IGSF9B: variants seen among roughly 807,000 people sequenced by gnomAD.
IGSF9B encodes the protein immunoglobulin superfamily member 9B.
IGSF9B carries 48 observed loss-of-function variants against 143.7 expected under a neutral mutation model. The observed-to-expected ratio is 0.33, with a 90% CI of 0.26 to 0.42. The LOEUF is 0.42. Among genes scored for constraint, IGSF9B ranks in the 20% least tolerant of loss-of-function variants. The pLI is 1.00. For synonymous variants in IGSF9B, 903 were observed against 833.1 expected, an observed-to-expected ratio of 1.08 and a Z score of -1.44; for missense variants, 1,706 against 1,980.0, an observed-to-expected ratio of 0.86 and a Z score of 2.63.
rs1162537878 is a variant in IGSF9B at position 133,937,467 on chromosome 11, T to C, written c.588A>G (p.Thr196=). ...YQVSDGSLTV[T]SVSREDRGAY... is the part of the protein sequence containing the mutation. Reference sequence around the variant, plus strand: ...CACCTCTGTCCTCCCGACTGACCGATGTCACTGTCAGGCTGCCGTCACTCA... The same window carrying C: ...CACCTCTGTCCTCCCGACTGACCGACGTCACTGTCAGGCTGCCGTCACTCA... The change falls in exon 5 of 20, where the codon ACA becomes ACG. Residue 196 remains threonine, a synonymous_variant. Transcript: ENST00000533871. The C allele has an allele frequency of 3.7e-6, 6 of 1,613,776 alleles. No individual in the cohort carries two copies. The South Asian group carries it at 5.5e-5, about 15-fold the overall frequency.
At position 133,945,916 on chromosome 11, in the gene IGSF9B, C is replaced by G. The variant is rs73596865; in HGVS notation, c.262+145G>C. 0.034 allele frequency: 21,429 copies of G among 639,504 alleles called. 3,512 individuals carry two copies. In the African/African-American group the frequency reaches 0.35, roughly 11 times the overall value. The allele number at this position is 639,504 out of a possible 1,614,324, so 39.6% of individuals were successfully genotyped here. A position where few individuals can be genotyped will look rare whatever the true frequency, so the allele number is the denominator to read the frequency against. ...CCTCCCACCGCTTGATTAGAACCAA[C>G]AGAGGACAAAGGATGGGAGGAACCA... On this transcript the variant is annotated intron_variant, in intron 2 of 19. Coordinates refer to ENST00000533871, the MANE Select transcript of IGSF9B (RefSeq NM_001277285.4). This position sits in a 1 kb window ranked among gnomAD's most constrained non-coding sequence, Gnocchi z 4.6.
chr11:133,924,663 G>A, intron 15 of IGSF9B, 157 bp downstream of exon 15: 1 of 623,994 alleles, frequency 1.6e-6, no homozygotes, highest in Non-Finnish European at 2.8e-6. Context: ...GGTCTGGTGG[G>A]CTTAAGAAAG....
intron 1 of IGSF9B, among the ~76,000 whole-genome samples, chr11:133,954,100 A>C (rs1940209988): frequency 6.6e-6 from 1 of 152,126 alleles, no homozygotes; most frequent in Non-Finnish European, 1.5e-5. Context: ...CTGCCCCAGA[A>C]GTCACCTCTG....
intron 1 of IGSF9B, among the ~76,000 whole-genome samples, chr11:133,950,253 G>C (rs1176333564): frequency 6.6e-6 from 1 of 152,246 alleles, no homozygotes. Flanking sequence ...GGACTGCTCT[G>C]AATACGGAGG....
In IGSF9B at chr11:133,906,140, G is replaced by A. The variant is rs1478831297; in HGVS notation, c.*2929C>T. Among the ~76,000 whole-genome samples, 1 of 152,256 alleles carries A rather than the reference G, an allele frequency of 6.6e-6. No homozygotes were observed. The highest frequency in any genetic ancestry group is 6.5e-5 in the Admixed American group (1 of 15,292). On this transcript the variant is annotated 3_prime_UTR_variant, in exon 20 of 20. Transcript: ENST00000533871. ...TACAGAGTGAGTGCCGAAGTCCTAA[G>A]AAGCTGATCAGTAGTCACTGCCATT...
rs769220162 is a variant in IGSF9B at position 133,936,070 on chromosome 11, C to T, written c.804G>A (p.Glu268=). The change falls in exon 6 of 20, where the codon GAG becomes GAA. Residue 268 remains glutamate (E), a synonymous_variant. Transcript: ENST00000533871. ...GTGCTCACTTCTGAAAGTAGACGTT[C>T]TCGTCCTGCCAGTACCAGGTGTAGG... ...NLTYTWYWQD[E]NVYFQNDLKL... The T allele has an allele frequency of 6.2e-7, 1 of 1,613,634 alleles. No individual in the cohort carries two copies. Among genetic ancestry groups the T allele is most frequent in the Non-Finnish European group, 8.5e-7 (1 of 1,179,770 alleles).
At chr11:133,935,505 C>T in intron 7 of IGSF9B, 112 bp downstream of exon 7, 3 of 1,241,416 alleles carry the variant, frequency 2.4e-6, no homozygotes, top group Non-Finnish European at 3.3e-6. Flanking sequence ...GCTCCTCCAC[C>T]TACATGCCCC....
chr11:133,933,330 C>T (rs1460137543), intron 7 of IGSF9B, among the ~76,000 whole-genome samples: 1 of 152,230 alleles, frequency 6.6e-6, no homozygotes, highest in Non-Finnish European at 1.5e-5. Flanking sequence ...CCCGCCTCTA[C>T]ATCCGAAGCC....
chr11:133,934,955 A>G (rs1037448718), intron 7 of IGSF9B, among the ~76,000 whole-genome samples: 5 of 152,236 alleles, frequency 3.3e-5, no homozygotes, highest in South Asian at 2.1e-4. Flanking sequence ...CTCATTACTC[A>G]TCCTTCTCTG....
chr11:133,938,559 C>G (rs967855036), intron 3 of IGSF9B, among the ~76,000 whole-genome samples: 3 of 152,242 alleles, frequency 2.0e-5, no homozygotes. Context: ...CATCTTCCCC[C>G]CTGCATTGGA....
At chr11:133,946,306 T>C (rs1940051069) in intron 1 of IGSF9B, 48 bp from the exon 2 acceptor site, 1 of 1,539,024 alleles carries the variant, frequency 6.5e-7, no homozygotes, top group African/African-American at 1.4e-5. Context: ...GACAAAGAGA[T>C]CCTGCCCCAG....
At chr11:133,941,707 G>A (rs767025302) in intron 3 of IGSF9B, among the ~76,000 whole-genome samples, 1 of 152,174 alleles carries the variant, frequency 6.6e-6, no homozygotes, top group Non-Finnish European at 1.5e-5. Context: ...GGAGCAGATG[G>A]TGCACCATCC....
At chr11:133,912,709 A>C (rs566975662) in intron 18 of IGSF9B, among the ~76,000 whole-genome samples, 22 of 152,308 alleles carry the variant, frequency 1.4e-4, no homozygotes, top group Non-Finnish European at 2.8e-4. Flanking sequence ...AGAACAACCA[A>C]ATCTGGTAGC....
rs1939533091 is a variant in IGSF9B, at chr11:133,921,336, A to C, written c.2389T>G (p.Ser797Ala). The part of the protein sequence containing the change: ...IRTLRAPSES[S>A]DDQGQPAAKR... ...GCCGCGGGCTGGCCCTGGTCGTCGG[A>C]GGATTCTGACGGCGCTCGGAGCGTG... Residue 797 changes from serine (S) to alanine (A), a missense_variant, in exon 18 of 20, where the codon TCC becomes GCC. Around this residue, in one of 7 missense-constraint regions of IGSF9B, gnomAD observed 135 missense variants for 181.3 expected, o/e 0.74. Coordinates refer to ENST00000533871, the MANE Select transcript of IGSF9B (RefSeq NM_001277285.4). 2 of 1,590,790 alleles carry C rather than the reference A, an allele frequency of 1.3e-6. No homozygotes were observed. The highest frequency in any genetic ancestry group is 1.7e-6 in the Non-Finnish European group (2 of 1,167,342).
chr11:133,918,779 GAAGA>G (rs1290910573), intron 18 of IGSF9B, among the ~76,000 whole-genome samples: 2 of 151,100 alleles, frequency 1.3e-5, no homozygotes, highest in Non-Finnish European at 2.9e-5. Context: ...GCTACATCGA[GAAGA>G]GAGACCAAAG....
intron 7 of IGSF9B, among the ~76,000 whole-genome samples, chr11:133,934,612 G>C (rs1020591218): frequency 6.6e-6 from 1 of 152,192 alleles, no homozygotes. Flanking sequence ...GTGAGACTGC[G>C]AGGTTAGGGG....
intron 18 of IGSF9B, among the ~76,000 whole-genome samples, chr11:133,916,215 A>G (rs1939379270): frequency 6.6e-6 from 1 of 152,188 alleles, no homozygotes; most frequent in South Asian, 2.1e-4. Flanking sequence ...CAGAAAGGAC[A>G]GGTCCACGCA....
At position 133,907,292 on chromosome 11, in the gene IGSF9B, A is replaced by T; in HGVS notation, c.*1777T>A. ...AGAAGAAGTCCATCCCCTAAGATGG[A>T]AACGCCAAGAAGAGACAGCAGCCAT... On this transcript the variant is annotated 3_prime_UTR_variant, in exon 20 of 20. Transcript: ENST00000533871. Among the ~76,000 whole-genome samples, 1 of 152,220 alleles carries T rather than the reference A, an allele frequency of 6.6e-6. No homozygotes were observed. The highest frequency in any genetic ancestry group is 1.9e-4 in the East Asian group (1 of 5,174).
At chr11:133,912,235 C>T in intron 18 of IGSF9B, 1 of 673,724 alleles carries the variant, frequency 1.5e-6, no homozygotes, top group Non-Finnish European at 2.7e-6. Flanking sequence ...TGGAAACCAA[C>T]CTGCAGAGCA....
Sources: allele counts gnomAD v4.1 joint callset (sites outside exome capture counted in the v4.1 genomes callset), GRCh38; gene constraint gnomAD v4.1.1; regional missense constraint gnomAD v4.1.1; non-coding constraint Gnocchi (gnomAD v3.1); transcripts MANE v1.5; gene names NCBI Gene and HGNC (gene_info 2026-07-23, HGNC 2026-07-21).